Variants in SMG6 observed in about 807,000 individuals in gnomAD.
The protein encoded by SMG6 is SMG6 nonsense mediated mRNA decay factor, also known as telomerase-binding protein EST1A.
In SMG6, 66 loss-of-function variants were observed where a neutral mutation model predicts 142.2. The ratio of observed to expected loss-of-function variants is 0.46; its 90% CI spans 0.38 to 0.57. The LOEUF is 0.57. SMG6 is among the 20% of genes least tolerant of loss of function. The pLI is 0.00. For missense variants in SMG6, 1,793 were observed against 1,832.0 expected (o/e 0.98, Z 0.39); for synonymous variants, 779 against 702.4 (o/e 1.11, Z -1.72).
chr17:2,081,857 G>A lies in SMG6; in HGVS notation c.3634C>T (p.Leu1212=). The change falls in exon 15 of 19, where the codon CTG becomes TTG. Residue 1212 remains leucine (L), a synonymous_variant. Transcript: ENST00000263073. The part of the protein sequence containing the change: ...IRELRAKKLA[L]ARKIAEQQRR... Reference sequence around the variant, plus strand: ...TGCTGCTCAGCTATCTTCCTGGCCAGAGCCAGCTTCTTGGCCCGAAGCTCC... The same window carrying A: ...TGCTGCTCAGCTATCTTCCTGGCCAAAGCCAGCTTCTTGGCCCGAAGCTCC... 1 of 1,614,064 alleles carries A rather than the reference G, an allele frequency of 6.2e-7. No homozygotes were observed. The highest frequency in any genetic ancestry group is 1.1e-5 in the South Asian group (1 of 91,084).
At chr17:2,113,338 C>T (rs1305991887) in intron 13 of SMG6, among the ~76,000 whole-genome samples, 2 of 152,082 alleles carry the variant, frequency 1.3e-5, no homozygotes, top group Admixed American at 6.6e-5. Flanking sequence ...GGCCTCACAG[C>T]GTGCTTGGGT....
intron 13 of SMG6, chr17:2,095,166 G>T (rs1316161209): frequency 6.6e-6 from 1 of 152,252 alleles, no homozygotes; most frequent in Non-Finnish European, 1.5e-5. Flanking sequence ...AACCAGCAGG[G>T]GAGGCTGCAG....
intron 8 of SMG6, among the ~76,000 whole-genome samples, chr17:2,247,445 A>T (rs1042548932): frequency 3.9e-5 from 6 of 152,186 alleles, no homozygotes; most frequent in Admixed American, 3.9e-4. Flanking sequence ...TCCCTTATAA[A>T]CTGGTTCTAT....
chr17:2,264,343 C>G (rs966080611), intron 8 of SMG6, among the ~76,000 whole-genome samples: 2 of 152,214 alleles, frequency 1.3e-5, no homozygotes, highest in African/African-American at 4.8e-5. Context: ...TGCCAGAGTT[C>G]TGGCTTAAGT....
chr17:2,288,074 G>A (rs2074947123), intron 6 of SMG6, among the ~76,000 whole-genome samples: 1 of 152,144 alleles, frequency 6.6e-6, no homozygotes, highest in South Asian at 2.1e-4. Context: ...AGCACTTTCG[G>A]AGGCCAAGGT....
chr17:2,110,394 C>G (rs1219071387), intron 13 of SMG6, among the ~76,000 whole-genome samples: 1 of 152,156 alleles, frequency 6.6e-6, no homozygotes, highest in African/African-American at 2.4e-5. Context: ...TCTGCATTTA[C>G]TGACATATGT....
intron 13 of SMG6, among the ~76,000 whole-genome samples, chr17:2,086,124 AGGTTAT>A (rs1435553064): frequency 2.6e-5 from 4 of 152,156 alleles, no homozygotes; most frequent in African/African-American, 9.7e-5. Context: ...ATCTCTCCTT[AGGTTAT>A]CTCTGGGGCA....
At chr17:2,192,134 G>A (rs2072183215) in intron 10 of SMG6, among the ~76,000 whole-genome samples, 2 of 152,260 alleles carry the variant, frequency 1.3e-5, no homozygotes, top group African/African-American at 4.8e-5. Flanking sequence ...GAGTGAGGCA[G>A]GAGGGGCGGA....
At chr17:2,277,165 ATTTTTTATT>A (rs1443375684) in intron 8 of SMG6, among the ~76,000 whole-genome samples, 10 of 63,430 alleles carry the variant, frequency 1.6e-4, no homozygotes, top group Admixed American at 3.7e-4. Flanking sequence ...TTATTTATTT[ATTTTTTATT>A]TTTTTTTTTT....
chr17:2,071,102 C>G lies in SMG6; in HGVS notation c.3682-2171G>C, dbSNP rs1174696096. ...ACAGAACAAGCATGGCTTAGGGAGA[C>G]GTGGGAGCAGTGGCAGCTGGAGTGA... On this transcript the variant is annotated intron_variant, in intron 15 of 18. Transcript: ENST00000263073. The surrounding 1 kb of genome is among the most constrained non-coding windows in gnomAD (Gnocchi z 5.6). Among the ~76,000 whole-genome samples, 1 of 152,286 alleles carries G rather than the reference C, an allele frequency of 6.6e-6. No homozygotes were observed. The highest frequency in any genetic ancestry group is 2.1e-4 in the South Asian group (1 of 4,828).
rs1189525046 is a variant in SMG6 at position 2,182,847 on chromosome 17, G to C, written c.3155+3816C>G. Among the ~76,000 whole-genome samples, 4 of 148,144 alleles carry C rather than the reference G, an allele frequency of 2.7e-5. No homozygotes were observed. In the Admixed American group the frequency reaches 2.7e-4, roughly 10 times the overall value. The stretch of plus-strand genomic sequence containing the variant: ...CAGCACCAGCCGAAGACCACACTGA[G>C]AGAATGTGGGGTAGGGGAAGAAAAG... On this transcript the variant is annotated intron_variant, in intron 12 of 18. Transcript: ENST00000263073.
intron 13 of SMG6, among the ~76,000 whole-genome samples, chr17:2,123,891 C>A (rs920800314): frequency 6.6e-6 from 1 of 152,222 alleles, no homozygotes; most frequent in Non-Finnish European, 1.5e-5. Flanking sequence ...GAAAACAGAG[C>A]AGGAAGAGAG....
At chr17:2,162,416 A>C (rs2071208971) in intron 13 of SMG6, among the ~76,000 whole-genome samples, 1 of 148,244 alleles carries the variant, frequency 6.7e-6, no homozygotes, top group African/African-American at 2.5e-5. Context: ...CGGGAGGCTG[A>C]GGCAGGAGAA....
At chr17:2,159,776 TATC>T (rs2071117257) in intron 13 of SMG6, among the ~76,000 whole-genome samples, 1 of 152,188 alleles carries the variant, frequency 6.6e-6, no homozygotes, top group Admixed American at 6.5e-5. Flanking sequence ...CCAAAATATC[TATC>T]AACAAGTGAA....
At chr17:2,139,343 G>A (rs1325213789) in intron 13 of SMG6, among the ~76,000 whole-genome samples, 1 of 152,058 alleles carries the variant, frequency 6.6e-6, no homozygotes, top group African/African-American at 2.4e-5. Flanking sequence ...GAGATGGAAA[G>A]CACGCCAGAC....
intron 15 of SMG6, among the ~76,000 whole-genome samples, chr17:2,076,104 T>C (rs537492639): frequency 1.3e-5 from 2 of 152,264 alleles, no homozygotes; most frequent in East Asian, 3.9e-4. Context: ...TTGGACTTTA[T>C]AGCTATCCTG....
At chr17:2,266,208 C>T (rs1279591499) in intron 8 of SMG6, 8 of 984,686 alleles carry the variant, frequency 8.1e-6, no homozygotes, top group Non-Finnish European at 9.6e-6. Flanking sequence ...CCTGACTTTC[C>T]GGATGGTAAC....
chr17:2,103,408 G>A (rs1370373599), intron 13 of SMG6, among the ~76,000 whole-genome samples: 4 of 152,204 alleles, frequency 2.6e-5, no homozygotes, highest in Non-Finnish European at 4.4e-5. Flanking sequence ...AAGCCACTCA[G>A]GAAGACTTGG....
intron 8 of SMG6, among the ~76,000 whole-genome samples, chr17:2,246,002 A>G (rs909584614): frequency 2.0e-5 from 3 of 152,176 alleles, no homozygotes; most frequent in Non-Finnish European, 4.4e-5. Flanking sequence ...TTTTATGTGA[A>G]ATACTCTGGC....
Sources: allele counts gnomAD v4.1 joint callset (sites outside exome capture counted in the v4.1 genomes callset), GRCh38; gene constraint gnomAD v4.1.1; non-coding constraint Gnocchi (gnomAD v3.1); transcripts MANE v1.5; gene names NCBI Gene and HGNC (gene_info 2026-07-23, HGNC 2026-07-21).